The following WNT3A variants were observed in gnomAD, a reference collection of about 807,000 sequenced individuals.
WNT3A encodes the protein protein Wnt-3a.
Under a neutral mutation model 37.0 loss-of-function variants are expected in WNT3A, and 17 were observed. The observed-to-expected ratio is 0.46, with a 90% CI of 0.31 to 0.69. The LOEUF (loss-of-function observed/expected upper bound fraction) is 0.69, where lower values mean the gene tolerates loss of function less well. WNT3A is among the 30% of genes least tolerant of loss of function. The pLI is 0.05. For missense variants in WNT3A, 411 were observed against 510.2 expected, an observed-to-expected ratio of 0.81 and a Z score of 1.87; for synonymous variants, 187 against 211.0, an observed-to-expected ratio of 0.89 and a Z score of 0.99.
At chr1:228,033,489 T>C (rs1420263367) in intron 2 of WNT3A, among the ~76,000 whole-genome samples, 1 of 152,248 alleles carries the variant, frequency 6.6e-6, no homozygotes, top group Non-Finnish European at 1.5e-5. Flanking sequence ...TGTATGAATT[T>C]ATCTCTGTGC....
chr1:228,032,762 T>C (rs1256530220), intron 2 of WNT3A, among the ~76,000 whole-genome samples: 2 of 152,176 alleles, frequency 1.3e-5, no homozygotes, highest in Admixed American at 1.3e-4. Context: ...TATTCCAGAG[T>C]GTCTGCACCA....
intron 2 of WNT3A, among the ~76,000 whole-genome samples, chr1:228,035,452 A>C (rs2102771039): frequency 6.6e-6 from 1 of 152,318 alleles, no homozygotes; most frequent in Non-Finnish European, 1.5e-5. Flanking sequence ...GACAGAGCCT[A>C]GCTGGAGCAT....
rs2031528975 is a variant in WNT3A at position 228,050,773 on chromosome 1, G to A, written c.431G>A (p.Gly144Asp). The A allele has an allele frequency of 1.9e-6, 3 of 1,614,156 alleles. No individual in the cohort carries two copies. The highest frequency in any genetic ancestry group is 2.5e-6 in the Non-Finnish European group (3 of 1,180,032). The change falls in exon 3 of 4, where the codon GGC (glycine) becomes GAC (aspartate). Residue 144 changes from glycine (G) to aspartate (D), a missense_variant. Transcript: ENST00000284523. This position sits in a 1 kb window ranked among gnomAD's most constrained non-coding sequence, Gnocchi z 5.0. ...TGTGGCTGCAGCAGCCGCCACCAGG[G>A]CTCACCAGGCAAGGGCTGGAAGTGG... The part of the protein sequence containing the change: ...AICGCSSRHQ[G>D]SPGKGWKWGG...
At position 228,007,401 on chromosome 1, in the gene WNT3A, G is replaced by A. The variant is rs959922446; in HGVS notation, c.71+202G>A. ...GGGACGCGTGGGTGGCGGAGTTTCC[G>A]GAGACATTGATTCCCGAGCGGGGGA... On this transcript the variant is annotated intron_variant, in intron 1 of 3. Transcript: ENST00000284523. This position sits in a 1 kb window ranked among gnomAD's most constrained non-coding sequence, Gnocchi z 6.0. Among the ~76,000 whole-genome samples the A allele has an allele frequency of 6.6e-6, 1 of 152,162 alleles. No individual in the cohort carries two copies. Among genetic ancestry groups the A allele is most frequent in the East Asian group, 1.9e-4 (1 of 5,152 alleles).
Position 228,007,316 on chromosome 1 carries a change from C to G in WNT3A, c.71+117C>G. ...CCCGCGCCCTTCTGCTCCAGCCCCG[C>G]GTGCGGGCCGCGGGCGGTTGGTTTT... On this transcript the variant is annotated intron_variant, in intron 1 of 3. Transcript: ENST00000284523. The surrounding 1 kb of genome is among the most constrained non-coding windows in gnomAD (Gnocchi z 6.0). 9.8e-7 allele frequency: 1 copy of G among 1,017,768 alleles called. No homozygotes were observed. The allele number at this position is 1,017,768 out of a possible 1,614,324, so 63.0% of individuals were successfully genotyped here.
intron 1 of WNT3A, among the ~76,000 whole-genome samples, chr1:228,018,137 G>A (rs547445584): frequency 5.9e-5 from 9 of 152,114 alleles, no homozygotes; most frequent in Admixed American, 2.6e-4. Context: ...GGGGACACTC[G>A]ATCTCGAAGA....
chr1:228,010,900 C>G (rs1301200067), intron 1 of WNT3A, among the ~76,000 whole-genome samples: 4 of 152,232 alleles, frequency 2.6e-5, no homozygotes, highest in Non-Finnish European at 5.9e-5. Flanking sequence ...TTCAGGCCCC[C>G]ACTCTCCTAC....
Position 228,037,806 on chromosome 1 carries a change from A to C in WNT3A, c.314-12850A>C, listed in dbSNP as rs1191206889. Among the ~76,000 whole-genome samples the C allele has an allele frequency of 6.6e-6, 1 of 152,212 alleles. No individual in the cohort carries two copies. Among genetic ancestry groups the C allele is most frequent in the Non-Finnish European group, 1.5e-5 (1 of 68,020 alleles). Reference sequence around the variant, plus strand: ...CCCAGCGACGGCGACAAGATTAAGCACAAGGGGAGAGTGCAAATGCGCGGG... The same window carrying C: ...CCCAGCGACGGCGACAAGATTAAGCCCAAGGGGAGAGTGCAAATGCGCGGG... On this transcript the variant is annotated intron_variant, in intron 2 of 3. Transcript: ENST00000284523. This position sits in a 1 kb window ranked among gnomAD's most constrained non-coding sequence, Gnocchi z 4.1.
At chr1:228,009,551 C>T (rs557584545) in intron 1 of WNT3A, among the ~76,000 whole-genome samples, 415 of 152,210 alleles carry the variant, frequency 2.7e-3, no homozygotes, top group Non-Finnish European at 4.6e-3. Context: ...CCTGGTGAGC[C>T]CCAGTGGAAC....
In WNT3A at chr1:228,057,994, G is replaced by A. The variant is rs563636210; in HGVS notation, c.580-992G>A. 2.2e-3 allele frequency among the ~76,000 whole-genome samples: 332 copies of A among 152,172 alleles called. 1 individual carries two copies. Among genetic ancestry groups the A allele is most frequent in the Non-Finnish European group, 3.6e-3 (245 of 67,994 alleles). On this transcript the variant is annotated intron_variant, in intron 3 of 3. Transcript: ENST00000284523. ...TGGGATCACAGGTTCCCGCCACCAC[G>A]CCTAATTTTTGTATTTTTAATAGAC...
At position 228,007,270 on chromosome 1, in the gene WNT3A, G is replaced by T; in HGVS notation, c.71+71G>T. Reference sequence around the variant, plus strand: ...CCGCAGCAGACGGTCCCCTCGGGCAGGGACCCCGCGGTGGCCCGAGCCCGC... The same window carrying T: ...CCGCAGCAGACGGTCCCCTCGGGCATGGACCCCGCGGTGGCCCGAGCCCGC... On this transcript the variant is annotated intron_variant, in intron 1 of 3. Transcript: ENST00000284523. This position sits in a 1 kb window ranked among gnomAD's most constrained non-coding sequence, Gnocchi z 6.0. 1 of 1,488,576 alleles carries T rather than the reference G, an allele frequency of 6.7e-7. No homozygotes were observed. Among genetic ancestry groups the T allele is most frequent in the African/African-American group, 1.4e-5 (1 of 69,914 alleles). 92.2% of individuals were successfully genotyped at this position (1,488,576 alleles called of 1,614,324 possible).
Position 228,060,101 on chromosome 1 carries a change from G to A in WNT3A, c.*636G>A, listed in dbSNP as rs1300183214. 1 of 1,272,162 alleles carries A rather than the reference G, an allele frequency of 7.9e-7. No homozygotes were observed. Among genetic ancestry groups the A allele is most frequent in the East Asian group, 5.3e-5 (1 of 18,834 alleles). 78.8% of individuals were successfully genotyped at this position (1,272,162 alleles called of 1,614,324 possible). On this transcript the variant is annotated 3_prime_UTR_variant, in exon 4 of 4. Transcript: ENST00000284523. ...CCTGCATAGGCTCCTTCCTGTGGGT[G>A]GGGCTTCTCTGGGACCAGGCTCCAA...
At chr1:228,034,657 C>T (rs1193712102) in intron 2 of WNT3A, among the ~76,000 whole-genome samples, 1 of 152,176 alleles carries the variant, frequency 6.6e-6, no homozygotes, top group East Asian at 1.9e-4. Flanking sequence ...CACTTAGTTA[C>T]CATGCATCTC....
At chr1:228,045,382 G>C (rs2031378079) in intron 2 of WNT3A, among the ~76,000 whole-genome samples, 1 of 152,212 alleles carries the variant, frequency 6.6e-6, no homozygotes, top group African/African-American at 2.4e-5. Flanking sequence ...GGTCCGGCCA[G>C]GAGGGCAGGT....
chr1:228,047,742 A>G (rs1282898616), intron 2 of WNT3A, among the ~76,000 whole-genome samples: 1 of 152,162 alleles, frequency 6.6e-6, no homozygotes, highest in Non-Finnish European at 1.5e-5. Flanking sequence ...GCTTCCAATC[A>G]TGGCGGAAGG....
At position 228,038,998 on chromosome 1, in the gene WNT3A, G is replaced by A. The variant is rs75036917; in HGVS notation, c.314-11658G>A. 4.2e-3 allele frequency among the ~76,000 whole-genome samples: 640 copies of A among 152,288 alleles called. 34 individuals carry two copies. The East Asian group carries it at 0.11, about 26-fold the overall frequency. On this transcript the variant is annotated intron_variant, in intron 2 of 3. Transcript: ENST00000284523. This position sits in a 1 kb window ranked among gnomAD's most constrained non-coding sequence, Gnocchi z 5.7. The stretch of plus-strand genomic sequence containing the variant: ...TTCAGCAGAGTTTTTCTCCTGGGCA[G>A]TGGGCAATGTTGGGAGTCTGGGCCC...
intron 3 of WNT3A, among the ~76,000 whole-genome samples, chr1:228,056,645 C>T (rs1571817683): frequency 2.6e-5 from 4 of 152,150 alleles, no homozygotes; most frequent in Admixed American, 2.6e-4. Flanking sequence ...GAAGCTTCCT[C>T]AGAACTGTGG....
In WNT3A at chr1:228,007,392, G is replaced by A. The variant is rs1160057479; in HGVS notation, c.71+193G>A. Among the ~76,000 whole-genome samples, 2 of 152,118 alleles carry A rather than the reference G, an allele frequency of 1.3e-5. No individual in the cohort carries two copies. Among genetic ancestry groups the A allele is most frequent in the Non-Finnish European group, 2.9e-5 (2 of 68,014 alleles). Reference sequence around the variant, plus strand: ...CAGGCCGCTGGGACGCGTGGGTGGCGGAGTTTCCGGAGACATTGATTCCCG... The same window carrying A: ...CAGGCCGCTGGGACGCGTGGGTGGCAGAGTTTCCGGAGACATTGATTCCCG... On this transcript the variant is annotated intron_variant, in intron 1 of 3. Transcript: ENST00000284523. This position sits in a 1 kb window ranked among gnomAD's most constrained non-coding sequence, Gnocchi z 6.0.
At chr1:228,053,322 A>G (rs1571815324) in intron 3 of WNT3A, among the ~76,000 whole-genome samples, 1 of 152,268 alleles carries the variant, frequency 6.6e-6, no homozygotes, top group Non-Finnish European at 1.5e-5. Context: ...ACCTCACACC[A>G]TCTGTAAAAA....
Sources: allele counts gnomAD v4.1 joint callset (sites outside exome capture counted in the v4.1 genomes callset), GRCh38; gene constraint gnomAD v4.1.1; non-coding constraint Gnocchi (gnomAD v3.1); transcripts MANE v1.5; gene names NCBI Gene and HGNC (gene_info 2026-07-23, HGNC 2026-07-21).